Variants in CLSTN2 observed in about 807,000 individuals in gnomAD.
CLSTN2 encodes the protein calsyntenin 2, also known as calsyntenin-2.
Under a neutral mutation model 101.2 loss-of-function variants are expected in CLSTN2, and 48 were observed. The observed-to-expected ratio is 0.47, with a 90% confidence interval of 0.38 to 0.60. The LOEUF (loss-of-function observed/expected upper bound fraction) is 0.60, where lower values mean the gene tolerates loss of function less well. Ranked by LOEUF, CLSTN2 falls within the 20% of genes least tolerant of loss-of-function variation. The pLI is 0.00. For synonymous variants in CLSTN2, 481 were observed against 463.6 expected (o/e 1.04, Z -0.48); for missense variants, 1,160 against 1,238.2 (o/e 0.94, Z 0.95).
chr3:140,170,348 G>A (rs73868796), intron 1 of CLSTN2, among the ~76,000 whole-genome samples: 6,941 of 152,220 alleles, frequency 0.046, 374 homozygotes, highest in African/African-American at 0.13. Context: ...AGGATAGAAG[G>A]CAATTTTGTT....
chr3:140,008,789 C>T (rs556762105), intron 1 of CLSTN2, among the ~76,000 whole-genome samples: 8 of 152,272 alleles, frequency 5.3e-5, no homozygotes, highest in African/African-American at 7.2e-5. Flanking sequence ...ATGGCAAAGA[C>T]GGAGCTGGCT....
intron 1 of CLSTN2, among the ~76,000 whole-genome samples, chr3:140,004,439 T>A (rs1212921987): frequency 1.3e-5 from 2 of 152,098 alleles, no homozygotes; most frequent in East Asian, 3.9e-4. Context: ...GCCATCTGGA[T>A]CCCCACAGGG....
At position 140,567,658 on chromosome 3, in the gene CLSTN2, G is replaced by GT. The variant is rs1441115677; in HGVS notation, c.*1408dup. The GT allele has an allele frequency of 6.6e-6, 1 of 152,212 alleles. No homozygotes were observed. Among genetic ancestry groups the GT allele is most frequent in the Non-Finnish European group, 1.5e-5 (1 of 68,060 alleles). The allele number at this position is 152,212 out of a possible 1,614,324, so 9.4% of individuals were successfully genotyped here. On this transcript the variant is annotated 3_prime_UTR_variant, in exon 17 of 17. Coordinates refer to ENST00000458420, the MANE Select transcript of CLSTN2 (RefSeq NM_022131.3). ...TCCACGAAGCTCTGAGAACATGTTT[G>GT]TTTCGAATGTCTGATTCCTCTTTGT...
intron 2 of CLSTN2, among the ~76,000 whole-genome samples, chr3:140,316,085 G>A (rs1432905084): frequency 6.6e-6 from 1 of 152,190 alleles, no homozygotes; most frequent in Non-Finnish European, 1.5e-5. Context: ...AGTGCTGGCT[G>A]TGCATTGGGC....
intron 1 of CLSTN2, among the ~76,000 whole-genome samples, chr3:140,135,148 A>G (rs1272126084): frequency 7.2e-6 from 1 of 138,794 alleles, no homozygotes; most frequent in African/African-American, 2.8e-5. Context: ...ATATATATAT[A>G]TATATATATA....
rs570568314 is a variant in CLSTN2, at chr3:140,064,063, C to T, written c.110-111888C>T. Among the ~76,000 whole-genome samples, 118 of 152,236 alleles carry T rather than the reference C, an allele frequency of 7.8e-4. 1 individual carries two copies. Among genetic ancestry groups the T allele is most frequent in the African/African-American group, 2.2e-3 (91 of 41,544 alleles). On this transcript the variant is annotated intron_variant, in intron 1 of 16. Transcript: ENST00000458420. ...AACCATTGGCTACCTTATACCTGCC[C>T]GGTGAGCAAGCGTGAACAGATAGCA...
At chr3:139,983,068 A>G (rs1935959349) in intron 1 of CLSTN2, among the ~76,000 whole-genome samples, 1 of 151,926 alleles carries the variant, frequency 6.6e-6, no homozygotes, top group South Asian at 2.1e-4. Flanking sequence ...TAGAAACAAA[A>G]GCAACAAATA....
At chr3:140,438,143 A>G (rs2088707189) in intron 5 of CLSTN2, among the ~76,000 whole-genome samples, 1 of 152,154 alleles carries the variant, frequency 6.6e-6, no homozygotes, top group Admixed American at 6.5e-5. Flanking sequence ...TACCTTTCTC[A>G]GGAGTCTATT....
intron 2 of CLSTN2, among the ~76,000 whole-genome samples, chr3:140,222,309 C>T (rs575342429): frequency 9.2e-5 from 14 of 151,742 alleles, no homozygotes; most frequent in South Asian, 4.2e-4. Context: ...TGGTTACAAG[C>T]GGCTGGGAAG....
chr3:140,209,730 C>T (rs2107845862), intron 2 of CLSTN2, among the ~76,000 whole-genome samples: 1 of 152,248 alleles, frequency 6.6e-6, no homozygotes, highest in South Asian at 2.1e-4. Context: ...ACACCACTCA[C>T]TCCCTTGGGC....
chr3:140,095,334 A>G (rs900926918), intron 1 of CLSTN2, among the ~76,000 whole-genome samples: 2 of 152,340 alleles, frequency 1.3e-5, no homozygotes, highest in African/African-American at 4.8e-5. Context: ...TGCCTTGTCA[A>G]GTGGGTATGG....
intron 2 of CLSTN2, among the ~76,000 whole-genome samples, chr3:140,279,451 T>C (rs1408532274): frequency 1.3e-5 from 2 of 152,198 alleles, no homozygotes; most frequent in Non-Finnish European, 2.9e-5. Context: ...AGGTGTTACA[T>C]TGAGCTAGGA....
chr3:140,330,440 G>T (rs529300229), intron 2 of CLSTN2, among the ~76,000 whole-genome samples: 1 of 152,274 alleles, frequency 6.6e-6, no homozygotes, highest in South Asian at 2.1e-4. Context: ...ATTTTGATAT[G>T]CATTTTATGT....
At chr3:140,319,009 T>C (rs2087257791) in intron 2 of CLSTN2, among the ~76,000 whole-genome samples, 1 of 152,226 alleles carries the variant, frequency 6.6e-6, no homozygotes. Flanking sequence ...AATTAAGAGT[T>C]TGGACTCTGG....
At chr3:140,293,429 C>A (rs907484810) in intron 2 of CLSTN2, among the ~76,000 whole-genome samples, 1 of 152,110 alleles carries the variant, frequency 6.6e-6, no homozygotes, top group South Asian at 2.1e-4. Context: ...CATGGACAAG[C>A]CAGTCAGTGA....
chr3:140,095,146 C>A (rs1019392112), intron 1 of CLSTN2, among the ~76,000 whole-genome samples: 2 of 152,188 alleles, frequency 1.3e-5, no homozygotes, highest in Admixed American at 1.3e-4. Flanking sequence ...TTAGTTCTGT[C>A]TCTCCCTCAA....
intron 10 of CLSTN2, among the ~76,000 whole-genome samples, chr3:140,547,641 G>A (rs537211948): frequency 6.1e-4 from 93 of 152,274 alleles, no homozygotes; most frequent in Non-Finnish European, 1.2e-3. Flanking sequence ...CTCCCAAAGA[G>A]GGCAGGGAGG....
chr3:140,040,272 T>G (rs2107763422), intron 1 of CLSTN2, among the ~76,000 whole-genome samples: 1 of 152,298 alleles, frequency 6.6e-6, no homozygotes, highest in South Asian at 2.1e-4. Flanking sequence ...GCTATCCGTG[T>G]GCTCTCTAGC....
intron 1 of CLSTN2, among the ~76,000 whole-genome samples, chr3:140,145,609 A>G (rs1293482525): frequency 1.3e-5 from 2 of 152,260 alleles, no homozygotes; most frequent in African/African-American, 2.4e-5. Context: ...TTTGCTTTCT[A>G]CTAGCCAAGG....
Sources: allele counts gnomAD v4.1 joint callset (sites outside exome capture counted in the v4.1 genomes callset), GRCh38; gene constraint gnomAD v4.1.1; transcripts MANE v1.5; gene names NCBI Gene and HGNC (gene_info 2026-07-23, HGNC 2026-07-21).